The following PAPOLA variants were observed in gnomAD, a reference collection of about 807,000 sequenced individuals.
The protein encoded by PAPOLA is poly(A) polymerase alpha, also known as polynucleotide adenylyltransferase alpha.
PAPOLA carries 15 observed loss-of-function variants against 100.6 expected under a neutral mutation model. The observed-to-expected ratio is 0.15, with a 90% CI of 0.10 to 0.23. The LOEUF is 0.23. Ranked by LOEUF, PAPOLA falls within the 10% of genes least tolerant of loss-of-function variation. PAPOLA has a pLI of 1.00. For synonymous variants in PAPOLA, 293 were observed against 300.0 expected, an observed-to-expected ratio of 0.98 and a Z score of 0.24; for missense variants, 533 against 884.2, an observed-to-expected ratio of 0.60 and a Z score of 5.04.
chr14:96,523,546 G>T (rs1035086614), intron 3 of PAPOLA, among the ~76,000 whole-genome samples: 2 of 152,184 alleles, frequency 1.3e-5, no homozygotes, highest in Non-Finnish European at 2.9e-5. Flanking sequence ...TAGGCTACTT[G>T]TGCACACGTC....
chr14:96,533,568 T>G (rs1899242106), intron 9 of PAPOLA: 6 of 832,336 alleles, frequency 7.2e-6, no homozygotes, highest in Non-Finnish European at 8.3e-6. Context: ...TTTTTTTTTT[T>G]GTTTGAGACG....
chr14:96,542,544 C>G (rs1464511522), intron 13 of PAPOLA: 3 of 542,940 alleles, frequency 5.5e-6, no homozygotes, highest in Admixed American at 7.5e-5. Flanking sequence ...GCACTTATAG[C>G]TTGTTTTTCT....
At chr14:96,554,960 TTTGG>T (rs1901177095) in intron 17 of PAPOLA, among the ~76,000 whole-genome samples, 3 of 152,152 alleles carry the variant, frequency 2.0e-5, no homozygotes, top group African/African-American at 7.2e-5. Context: ...GCTAGTGGCT[TTTGG>T]TTGGTTGTTA....
chr14:96,535,761 C>T (rs1899470111), intron 10 of PAPOLA, 118 bp from the exon 11 acceptor site: 1 of 973,232 alleles, frequency 1.0e-6, no homozygotes, highest in South Asian at 3.7e-5. Flanking sequence ...TCTTTCTCAA[C>T]TCCAGCTATG....
chr14:96,519,162 A>C (rs929456891), intron 1 of PAPOLA, among the ~76,000 whole-genome samples: 1 of 151,594 alleles, frequency 6.6e-6, no homozygotes, highest in Non-Finnish European at 1.5e-5. Context: ...TCCTGGGCTC[A>C]AGCCATTCTC....
intron 3 of PAPOLA, among the ~76,000 whole-genome samples, chr14:96,524,894 C>T (rs191661991): frequency 4.6e-5 from 7 of 152,180 alleles, no homozygotes; most frequent in Admixed American, 2.0e-4. Flanking sequence ...TGGTAAAAAT[C>T]GTTGAATATA....
At chr14:96,553,791 G>A (rs1901058733) in intron 17 of PAPOLA, among the ~76,000 whole-genome samples, 1 of 152,154 alleles carries the variant, frequency 6.6e-6, no homozygotes, top group Non-Finnish European at 1.5e-5. Context: ...AGGATTCCAG[G>A]CATGAGCCAC....
chr14:96,533,923 G>C, intron 9 of PAPOLA: 2 of 985,234 alleles, frequency 2.0e-6, no homozygotes, highest in Non-Finnish European at 2.4e-6. Flanking sequence ...TTGATGTTAA[G>C]AGTGGCAGGT....
At chr14:96,533,938 T>C (rs912896001) in intron 9 of PAPOLA, 21 of 985,090 alleles carry the variant, frequency 2.1e-5, no homozygotes, top group South Asian at 4.7e-5. Context: ...GCAGGTGTTC[T>C]CCAGTTTTTA....
At chr14:96,511,449 A>G (rs982474721) in intron 1 of PAPOLA, among the ~76,000 whole-genome samples, 11 of 152,260 alleles carry the variant, frequency 7.2e-5, no homozygotes, top group African/African-American at 2.7e-4. Context: ...CTATTTAAGG[A>G]AAACACCAAT....
intron 1 of PAPOLA, 29 bp from the exon 2 acceptor site, chr14:96,520,026 G>T (rs774292491): frequency 2.6e-6 from 4 of 1,537,228 alleles, no homozygotes; most frequent in East Asian, 4.6e-5. Flanking sequence ...AATTCTTTTG[G>T]CAGTAATTGT....
intron 10 of PAPOLA, 57 bp from the exon 11 acceptor site, chr14:96,535,821 GC>G (rs1449817585): frequency 1.4e-6 from 2 of 1,381,978 alleles, no homozygotes; most frequent in Non-Finnish European, 9.5e-7. Context: ...GGGGTAAAAA[GC>G]CCAAGTATCT....
chr14:96,539,922 C>A (rs1899846571), intron 12 of PAPOLA, among the ~76,000 whole-genome samples: 2 of 151,996 alleles, frequency 1.3e-5, no homozygotes, highest in Non-Finnish European at 2.9e-5. Flanking sequence ...TTAACTATTG[C>A]ATTTTATATC....
At chr14:96,530,591 G>C (rs946438353) in intron 6 of PAPOLA, among the ~76,000 whole-genome samples, 1 of 151,862 alleles carries the variant, frequency 6.6e-6, no homozygotes, top group African/African-American at 2.4e-5. Flanking sequence ...GTCTCACTAT[G>C]TTGTCCAGGC....
chr14:96,518,566 C>T (rs140040142), intron 1 of PAPOLA, among the ~76,000 whole-genome samples: 6,748 of 150,766 alleles, frequency 0.045, 168 homozygotes, highest in Non-Finnish European at 0.058. Context: ...CCCGCCACTA[C>T]GCCCAGCTAA....
chr14:96,525,269 T>G (rs1452747109), intron 3 of PAPOLA, 41 bp from the exon 4 acceptor site: 2 of 890,092 alleles, frequency 2.2e-6, no homozygotes, highest in Non-Finnish European at 3.8e-6. Flanking sequence ...ATAGTTTCCC[T>G]TGTGCTCCAC....
At chr14:96,555,103 G>T (rs997442518) in intron 17 of PAPOLA, among the ~76,000 whole-genome samples, 2 of 151,712 alleles carry the variant, frequency 1.3e-5, no homozygotes. Flanking sequence ...TCACTTAAAG[G>T]TCTTTAACTG....
At chr14:96,545,489 A>G (rs1359543514) in intron 15 of PAPOLA, among the ~76,000 whole-genome samples, 3 of 152,068 alleles carry the variant, frequency 2.0e-5, no homozygotes, top group African/African-American at 7.2e-5. Flanking sequence ...AAGTGATCTG[A>G]TTTTGATATG....
chr14:96,534,228 A>C lies in PAPOLA; in HGVS notation c.837-263A>C, dbSNP rs1266745260. On this transcript the variant is annotated intron_variant, in intron 9 of 21. Transcript: ENST00000216277. ...ATCTTGGGATGGTACTTCTTTATTTAAATAGTCCTTTAAAGTTCTTTGAGT... is the reference window on the plus strand; with the variant it reads ...ATCTTGGGATGGTACTTCTTTATTTCAATAGTCCTTTAAAGTTCTTTGAGT... 107 of 1,273,116 alleles carry C rather than the reference A, an allele frequency of 8.4e-5. 1 individual carries two copies. The East Asian group carries it at 3.5e-3, about 42-fold the overall frequency. 78.9% of individuals were successfully genotyped at this position (1,273,116 alleles called of 1,614,324 possible). A position where few individuals can be genotyped will look rare whatever the true frequency, so the allele number is the denominator to read the frequency against.
Sources: gnomAD v4.1 joint callset for allele counts (sites outside exome capture counted in the v4.1 genomes callset) on GRCh38, gnomAD v4.1.1 for gene constraint, MANE v1.5 for transcripts, NCBI Gene and HGNC (gene_info 2026-07-23, HGNC 2026-07-21) for gene names.